SRGAP2B: variants seen among roughly 807,000 people sequenced by gnomAD.
SRGAP2B encodes the protein SLIT-ROBO Rho GTPase-activating protein 2B.
Under a neutral mutation model 22.2 loss-of-function variants are expected in SRGAP2B, and 9 were observed. The observed-to-expected ratio is 0.41, with a 90% CI of 0.24 to 0.71. SRGAP2B has a LOEUF of 0.71. Ranked by LOEUF, SRGAP2B falls within the 30% of genes least tolerant of loss-of-function variation. The probability of loss-of-function intolerance (pLI) is 0.35; values close to 1 mark genes in which losing one functional copy is unlikely to be tolerated. For missense variants in SRGAP2B, 114 were observed against 235.8 expected (o/e 0.48, Z 3.38); for synonymous variants, 36 against 87.4 (o/e 0.41, Z 3.28).
intron 2 of SRGAP2B, among the ~76,000 whole-genome samples, chr1:145,044,392 TCA>T (rs1649504700): frequency 7.8e-6 from 1 of 128,312 alleles, no homozygotes; most frequent in Non-Finnish European, 1.6e-5. Context: ...ATTACGATAT[TCA>T]GGAAAAAAAA....
intron 3 of SRGAP2B, among the ~76,000 whole-genome samples, chr1:144,991,752 C>G (rs1553617232): frequency 6.9e-6 from 1 of 144,188 alleles, no homozygotes; most frequent in African/African-American, 2.7e-5. Context: ...TGTCAAAACT[C>G]TGTATCTAAC....
intron 2 of SRGAP2B, among the ~76,000 whole-genome samples, chr1:145,076,264 A>T (rs1430929593): frequency 6.7e-6 from 1 of 149,344 alleles, no homozygotes; most frequent in Non-Finnish European, 1.5e-5. Context: ...TGGGCTCAAG[A>T]GATTCTCCTG....
At chr1:144,985,864 GA>G in intron 3 of SRGAP2B, among the ~76,000 whole-genome samples, 1 of 148,910 alleles carries the variant, frequency 6.7e-6, no homozygotes, top group East Asian at 2.0e-4. Flanking sequence ...TTCTCTGGGG[GA>G]AGGAGAAAGA....
At chr1:144,968,715 A>G (rs1553612671) in intron 3 of SRGAP2B, among the ~76,000 whole-genome samples, 5 of 110,568 alleles carry the variant, frequency 4.5e-5, no homozygotes. Context: ...CCCTGTTTGC[A>G]GATGACATGA....
chr1:144,968,606 C>T (rs1356449379), intron 3 of SRGAP2B, among the ~76,000 whole-genome samples: 3 of 116,306 alleles, frequency 2.6e-5, no homozygotes, highest in African/African-American at 3.6e-5. Flanking sequence ...CCTCTCTCAC[C>T]ACTCCTATTC....
At chr1:144,964,873 T>C (rs1469485703) in intron 3 of SRGAP2B, among the ~76,000 whole-genome samples, 1 of 151,362 alleles carries the variant, frequency 6.6e-6, no homozygotes, top group Admixed American at 6.6e-5. Context: ...GCACAATGAT[T>C]GTGCCTGTAA....
Position 144,954,598 on chromosome 1 carries a change from C to T in SRGAP2B, c.423+841G>A, listed in dbSNP as rs1451824022. ...CATATACAATGGTTGGGGCCTTCAC[C>T]GCTGTCTGTAACCCAACCTCATGAA... On this transcript the variant is annotated intron_variant, in intron 4 of 9. Coordinates refer to ENST00000612199, the Ensembl canonical transcript of SRGAP2B. Among the ~76,000 whole-genome samples the T allele has an allele frequency of 4.6e-5, 7 of 150,714 alleles. 1 individual carries two copies. In the South Asian group the frequency reaches 8.3e-4, roughly 18 times the overall value.
intron 4 of SRGAP2B, among the ~76,000 whole-genome samples, chr1:144,951,111 G>T (rs1468229906): frequency 6.6e-6 from 1 of 150,912 alleles, no homozygotes; most frequent in Non-Finnish European, 1.5e-5. Flanking sequence ...GCCTCCCAAA[G>T]CGCTGCGATT....
At chr1:145,025,027 G>A (rs1553624800) in intron 2 of SRGAP2B, among the ~76,000 whole-genome samples, 2 of 143,122 alleles carry the variant, frequency 1.4e-5, no homozygotes, top group South Asian at 2.2e-4. Context: ...CCCACAGACG[G>A]ATTTTTACGA....
intron 2 of SRGAP2B, among the ~76,000 whole-genome samples, chr1:145,076,395 C>G (rs1417301124): frequency 1.3e-5 from 2 of 150,022 alleles, no homozygotes; most frequent in East Asian, 3.9e-4. Context: ...CAGCTTCATT[C>G]ATAACAGCCT....
chr1:145,001,857 C>A (rs797032697), intron 2 of SRGAP2B, among the ~76,000 whole-genome samples: 2 of 150,360 alleles, frequency 1.3e-5, no homozygotes, highest in African/African-American at 5.0e-5. Flanking sequence ...CCCAGCTCTA[C>A]AAAATTTTTT....
At position 144,917,844 on chromosome 1, in the gene SRGAP2B, G is replaced by A. The variant is rs1361027246; in HGVS notation, c.424-3090C>T. The A allele has an allele frequency of 8.4e-5, 7 of 83,324 alleles. 1 individual carries two copies. The highest frequency in any genetic ancestry group is 4.8e-4 in the African/African-American group (7 of 14,474). The allele number at this position is 83,324 out of a possible 1,614,324, so 5.2% of individuals were successfully genotyped here. A position where few individuals can be genotyped will look rare whatever the true frequency, so the allele number is the denominator to read the frequency against. ...TCTCTCCTTTCACAGATGATAAAAGGCCATTCGTTCTCTGTTTCAGAAACC... is the reference window on the plus strand; with the variant it reads ...TCTCTCCTTTCACAGATGATAAAAGACCATTCGTTCTCTGTTTCAGAAACC... On this transcript the variant is annotated intron_variant, in intron 4 of 9. Transcript: ENST00000612199.
chr1:144,942,211 GCATT>G (rs1553607501), intron 4 of SRGAP2B, among the ~76,000 whole-genome samples: 2 of 145,806 alleles, frequency 1.4e-5, no homozygotes. Flanking sequence ...GGCATGGTTA[GCATT>G]CATTTAGAAT....
chr1:144,911,742 T>C (rs1354872782), intron 5 of SRGAP2B, among the ~76,000 whole-genome samples: 21 of 132,728 alleles, frequency 1.6e-4, no homozygotes, highest in South Asian at 5.0e-4. Flanking sequence ...CTCAGCCTCC[T>C]GAGTAGCTGG....
chr1:144,992,099 G>A lies in SRGAP2B; in HGVS notation c.260+2909C>T, dbSNP rs1263895285. Among the ~76,000 whole-genome samples the A allele has an allele frequency of 1.5e-4, 22 of 150,250 alleles. 1 individual carries two copies. The Middle Eastern group carries it at 0.01, about 70-fold the overall frequency. On this transcript the variant is annotated intron_variant, in intron 3 of 9. Transcript: ENST00000612199. ...AGACCACAAGCCCACCGGGAGGAAC[G>A]AACAACTCCAGACGCGCTGCCTTAA...
In SRGAP2B at chr1:144,908,315, G is replaced by C. The variant is rs1429746731; in HGVS notation, c.487-2241C>G. Among the ~76,000 whole-genome samples, 4 of 150,240 alleles carry C rather than the reference G, an allele frequency of 2.7e-5. No homozygotes were observed. In the South Asian group the frequency reaches 6.3e-4, roughly 24 times the overall value. On this transcript the variant is annotated intron_variant, in intron 5 of 9. Coordinates refer to ENST00000612199, the Ensembl canonical transcript of SRGAP2B. Reference sequence around the variant, plus strand: ...AGAGGTCAAAGAATAGCACTACCAAGTCAACAAATGAAGTAACAAAAATCA... The same window carrying C: ...AGAGGTCAAAGAATAGCACTACCAACTCAACAAATGAAGTAACAAAAATCA...
chr1:144,995,014 T>G, exon 3 of SRGAP2B: 1 of 1,529,822 alleles, frequency 6.5e-7, no homozygotes, highest in South Asian at 1.2e-5. Flanking sequence ...CTACTTGAAT[T>G]GCTGGTCCTT....
chr1:145,064,747 G>T (rs1651308460), intron 2 of SRGAP2B, among the ~76,000 whole-genome samples: 1 of 150,530 alleles, frequency 6.6e-6, no homozygotes, highest in Non-Finnish European at 1.5e-5. Flanking sequence ...ATTGAGAACA[G>T]GAGATAACGG....
chr1:144,963,669 G>T (rs1457145434), intron 3 of SRGAP2B, among the ~76,000 whole-genome samples: 1 of 150,550 alleles, frequency 6.6e-6, no homozygotes, highest in Non-Finnish European at 1.5e-5. Flanking sequence ...GGAAATGACT[G>T]AGGCAGACAG....
Sources: gnomAD v4.1 joint callset for allele counts (sites outside exome capture counted in the v4.1 genomes callset) on GRCh38, gnomAD v4.1.1 for gene constraint, MANE v1.5 for transcripts, NCBI Gene and HGNC (gene_info 2026-07-23, HGNC 2026-07-21) for gene names.